Variants in CPLANE1 observed in about 807,000 individuals in gnomAD.
CPLANE1 encodes the protein ciliogenesis and planar polarity effector 1.
A neutral mutation model predicts 362.5 loss-of-function variants in CPLANE1; 263 were observed. The observed-to-expected ratio is 0.73, with a 90% CI of 0.66 to 0.80. The LOEUF (loss-of-function observed/expected upper bound fraction) is 0.80. Among genes scored for constraint, CPLANE1 ranks in the 30% least tolerant of loss-of-function variants. The probability of loss-of-function intolerance (pLI) is 0.00; values close to 1 mark genes in which losing one functional copy is unlikely to be tolerated. For missense variants in CPLANE1, 3,461 were observed against 3,793.4 expected, an observed-to-expected ratio of 0.91 and a Z score of 2.30; for synonymous variants, 1,212 against 1,302.6, an observed-to-expected ratio of 0.93 and a Z score of 1.50.
rs966642980 is a variant in CPLANE1 at position 37,213,826 on chromosome 5, A to G, written c.2747-94T>C. The G allele has an allele frequency of 3.8e-6, 4 of 1,047,886 alleles. No homozygotes were observed. The African/African-American group carries it at 6.5e-5, about 17-fold the overall frequency. 64.9% of individuals were successfully genotyped at this position (1,047,886 alleles called of 1,614,324 possible). A position where few individuals can be genotyped will look rare whatever the true frequency, so the allele number is the denominator to read the frequency against. ...AACATTATACAAAAAGAAAATTGCA[A>G]TACCTTTTTTTCTGAGATAAGCACC... On this transcript the variant is annotated intron_variant, in intron 15 of 52. Transcript: ENST00000651892.
rs542440522 is a variant in CPLANE1, at chr5:37,237,255, T to A, written c.938+1602A>T. Among the ~76,000 whole-genome samples, 3 of 152,344 alleles carry A rather than the reference T, an allele frequency of 2.0e-5. No homozygotes were observed. The South Asian group carries it at 6.2e-4, about 32-fold the overall frequency. On this transcript the variant is annotated intron_variant, in intron 8 of 52. Transcript: ENST00000651892. ...GTGTGTATATATATGTATCATGGAA[T>A]GCTACTCTGCCATAAAACAAATGAA... is the stretch of plus-strand genomic sequence containing the variant.
chr5:37,187,136 T>TA (rs1368604674), intron 23 of CPLANE1, among the ~76,000 whole-genome samples: 15 of 151,144 alleles, frequency 9.9e-5, no homozygotes, highest in African/African-American at 3.4e-4. Context: ...ATTCATCTTG[T>TA]AACTGAAAGG....
chr5:37,121,595 G>T, intron 49 of CPLANE1, 22 bp downstream of exon 49: 1 of 1,610,842 alleles, frequency 6.2e-7, no homozygotes, highest in South Asian at 1.1e-5. Context: ...CTTGCCAAAT[G>T]GCATGTGAAA....
Position 37,224,756 on chromosome 5 carries a change from G to A in CPLANE1, c.2292-16C>T, listed in dbSNP as rs1035610557. ...AATAAGCAATCTGCACATAAAATCA[G>A]GTAATTATCAAAAGCAAATTTCAGG... On this transcript the variant is annotated splice_polypyrimidine_tract_variant and intron_variant, in intron 12 of 52. Transcript: ENST00000651892. The A allele has an allele frequency of 1.3e-6, 2 of 1,526,188 alleles. No individual in the cohort carries two copies. Among genetic ancestry groups the A allele is most frequent in the Non-Finnish European group, 1.8e-6 (2 of 1,127,386 alleles). The allele number at this position is 1,526,188 out of a possible 1,614,324, so 94.5% of individuals were successfully genotyped here. A position where few individuals can be genotyped will look rare whatever the true frequency, so the allele number is the denominator to read the frequency against.
intron 18 of CPLANE1, 114 bp downstream of exon 18, chr5:37,205,201 T>G (rs1790367698): frequency 3.0e-6 from 2 of 661,624 alleles, no homozygotes; most frequent in Admixed American, 4.3e-5. Flanking sequence ...TACTTTCATT[T>G]TTGATAAGTT....
At chr5:37,139,622 G>A (rs1355660571) in intron 44 of CPLANE1, 2 of 602,890 alleles carry the variant, frequency 3.3e-6, no homozygotes, top group Non-Finnish European at 2.2e-6. Flanking sequence ...CATGGTCATG[G>A]CATACTACAA....
intron 20 of CPLANE1, among the ~76,000 whole-genome samples, chr5:37,196,616 T>C (rs1341654938): frequency 2.6e-5 from 4 of 152,252 alleles, no homozygotes; most frequent in Non-Finnish European, 2.9e-5. Flanking sequence ...ACAATACTTA[T>C]GAAAGATTCA....
At chr5:37,093,049 C>T in the CPLANE1 span, among the ~76,000 whole-genome samples, 9 of 152,182 alleles carry the variant, frequency 5.9e-5, no homozygotes, top group Non-Finnish European at 2.9e-5. Flanking sequence ...CAAGGATCCT[C>T]TGCCCTTGCC....
At chr5:37,096,493 T>C in the CPLANE1 span, among the ~76,000 whole-genome samples, 2 of 152,130 alleles carry the variant, frequency 1.3e-5, no homozygotes, top group Non-Finnish European at 2.9e-5. Context: ...GAGATTGGCT[T>C]ATGTAAGGAT....
chr5:37,172,390 G>A (rs1228915612), intron 32 of CPLANE1, among the ~76,000 whole-genome samples: 1 of 152,186 alleles, frequency 6.6e-6, no homozygotes, highest in African/African-American at 2.4e-5. Flanking sequence ...CTGGGTAGGG[G>A]TTGTGAAAGA....
At chr5:37,215,571 T>A (rs1366799051) in intron 15 of CPLANE1, among the ~76,000 whole-genome samples, 3 of 152,148 alleles carry the variant, frequency 2.0e-5, no homozygotes. Flanking sequence ...ACCCCTGTGA[T>A]GTTCAATGGT....
Position 37,170,166 on chromosome 5 carries a change from G to C in CPLANE1, c.6337C>G (p.Leu2113Val), listed in dbSNP as rs762929896. 6.2e-7 allele frequency: 1 copy of C among 1,614,004 alleles called. No homozygotes were observed. The highest frequency in any genetic ancestry group is 1.3e-5 in the African/African-American group (1 of 74,892). ...GGTTTAATAAAAAATCTCTCCTTAA[G>C]ATTTTTGTTGCTGTCTTCAACATCA... ...CGDVEDSNKN[L>V]KERFFIKPQS... The change falls in exon 33 of 53, where the codon CTT becomes GTT. Residue 2113 changes from leucine (L) to valine (V), a missense_variant. This residue lies in a region of CPLANE1 where 3,380 missense variants were observed against 3,666.1 expected (regional missense o/e 0.92). Coordinates refer to ENST00000651892, the MANE Select transcript of CPLANE1 (RefSeq NM_001384732.1).
chr5:37,085,021 G>A, the CPLANE1 span: 406 of 627,020 alleles, frequency 6.5e-4, no homozygotes, highest in African/African-American at 1.9e-3. Context: ...TACACACACC[G>A]GAAGAGAGGT....
chr5:37,202,643 G>C (rs1262125581), intron 18 of CPLANE1, among the ~76,000 whole-genome samples: 2 of 152,084 alleles, frequency 1.3e-5, no homozygotes, highest in Non-Finnish European at 2.9e-5. Context: ...TGGAAACTCA[G>C]GGATTTTTCT....
rs919878799 is a variant in CPLANE1, at chr5:37,245,146, A to G, written c.337+333T>C. Among the ~76,000 whole-genome samples the G allele has an allele frequency of 2.0e-5, 3 of 151,424 alleles. No individual in the cohort carries two copies. In the East Asian group the frequency reaches 5.8e-4, roughly 29 times the overall value. ...GCGACAGAGCGAGACTCCGTCTCAAAAAAAAGAAAAAAAAAAGTACAAAAA... is the reference window on the plus strand; with the variant it reads ...GCGACAGAGCGAGACTCCGTCTCAAGAAAAAGAAAAAAAAAAGTACAAAAA... On this transcript the variant is annotated intron_variant, in intron 4 of 52. Transcript: ENST00000651892.
chr5:37,100,625 A>C, the CPLANE1 span, among the ~76,000 whole-genome samples: 9 of 152,304 alleles, frequency 5.9e-5, no homozygotes, highest in Middle Eastern at 0.014. Context: ...ATGAATTTTA[A>C]AATAGTTTCT....
At chr5:37,168,140 T>A (rs549464159) in intron 34 of CPLANE1, among the ~76,000 whole-genome samples, 185 of 152,332 alleles carry the variant, frequency 1.2e-3, no homozygotes, top group Non-Finnish European at 2.3e-3. Context: ...CCATTTTAAT[T>A]TCATAAATCA....
At chr5:37,246,934 T>C (rs1305841035) in intron 2 of CPLANE1, among the ~76,000 whole-genome samples, 1 of 151,926 alleles carries the variant, frequency 6.6e-6, no homozygotes, top group African/African-American at 2.4e-5. Context: ...AAATACAAAA[T>C]ATCCAACCCT....
chr5:37,237,121 CA>C (rs1435369573), intron 8 of CPLANE1, among the ~76,000 whole-genome samples: 2 of 152,036 alleles, frequency 1.3e-5, no homozygotes, highest in Non-Finnish European at 2.9e-5. Context: ...ATCATTATAT[CA>C]AAAAGATACT....
Sources: allele counts gnomAD v4.1 joint callset (sites outside exome capture counted in the v4.1 genomes callset), GRCh38; gene constraint gnomAD v4.1.1; regional missense constraint gnomAD v4.1.1; transcripts MANE v1.5; gene names NCBI Gene and HGNC (gene_info 2026-07-23, HGNC 2026-07-21).